The following WWOX variants were observed in gnomAD, a reference collection of about 807,000 sequenced individuals.
The protein encoded by WWOX is WW domain-containing oxidoreductase.
WWOX carries 69 observed loss-of-function variants against 46.2 expected under a neutral mutation model. That is an observed-to-expected ratio of 1.49 (90% CI 1.23 to 1.82). WWOX has a LOEUF of 1.82. Ranked by LOEUF, WWOX falls within the 40% of genes most tolerant of loss-of-function variation. The pLI, the probability that WWOX is intolerant of heterozygous loss-of-function variation, is 0.00. For synonymous variants in WWOX, 359 were observed against 202.6 expected, an observed-to-expected ratio of 1.77 and a Z score of -6.56; for missense variants, 919 against 542.6, an observed-to-expected ratio of 1.69 and a Z score of -6.89.
intron 8 of WWOX, among the ~76,000 whole-genome samples, chr16:78,579,783 A>G (rs1415699459): frequency 6.6e-6 from 1 of 152,148 alleles, no homozygotes; most frequent in African/African-American, 2.4e-5. Context: ...ATGAGGAGAT[A>G]ATATCTTTAA....
rs776674014 is a variant in WWOX at position 78,528,293 on chromosome 16, C to T, written c.1056+95541C>T. The stretch of plus-strand genomic sequence containing the variant: ...CCTCACAAAGTGCTGGGATTACAGA[C>T]ATGAGCCACCACACCCGCCCTACAT... On this transcript the variant is annotated intron_variant, in intron 8 of 8. Transcript: ENST00000566780. Among the ~76,000 whole-genome samples the T allele has an allele frequency of 7.6e-4, 114 of 149,498 alleles. 1 individual carries two copies. Among genetic ancestry groups the T allele is most frequent in the Non-Finnish European group, 1.4e-3 (94 of 67,690 alleles).
At chr16:78,559,183 C>G (rs573727563) in intron 8 of WWOX, among the ~76,000 whole-genome samples, 6 of 152,318 alleles carry the variant, frequency 3.9e-5, no homozygotes, top group South Asian at 2.1e-4. Context: ...AGATCTTACC[C>G]TGACAGTCAC....
At chr16:79,035,545 T>C (rs1331917555) in intron 8 of WWOX, among the ~76,000 whole-genome samples, 2 of 152,094 alleles carry the variant, frequency 1.3e-5, no homozygotes, top group African/African-American at 4.8e-5. Context: ...TTTATTTATT[T>C]ATTAATTTTT....
intron 8 of WWOX, among the ~76,000 whole-genome samples, chr16:78,478,273 C>T (rs1198249473): frequency 2.0e-5 from 3 of 152,082 alleles, no homozygotes; most frequent in Admixed American, 1.3e-4. Flanking sequence ...CTTTTTATAG[C>T]TCATTAATGT....
Position 79,014,453 on chromosome 16 carries a change from G to A in WWOX, c.1057-197155G>A, listed in dbSNP as rs187255415. Among the ~76,000 whole-genome samples, 573 of 152,160 alleles carry A rather than the reference G, an allele frequency of 3.8e-3. 1 individual carries two copies. The highest frequency in any genetic ancestry group is 6.0e-3 in the Non-Finnish European group (411 of 68,014). Reference sequence around the variant, plus strand: ...TTCCTGGATCGTCCCTCAATTTTCCGTGGTATGAAAAATGTAAATGTTGCT... The same window carrying A: ...TTCCTGGATCGTCCCTCAATTTTCCATGGTATGAAAAATGTAAATGTTGCT... On this transcript the variant is annotated intron_variant, in intron 8 of 8. Transcript: ENST00000566780.
chr16:79,176,065 G>C (rs1110546), intron 8 of WWOX, among the ~76,000 whole-genome samples: 73,543 of 152,078 alleles, frequency 0.48, 18,565 homozygotes, highest in East Asian at 0.88. Flanking sequence ...CATTAGAGCA[G>C]CTGTTACAGT....
At chr16:79,003,030 C>T (rs185178546) in intron 8 of WWOX, among the ~76,000 whole-genome samples, 127 of 152,320 alleles carry the variant, frequency 8.3e-4, no homozygotes, top group African/African-American at 2.9e-3. Flanking sequence ...TGCATGCCAG[C>T]CACAGGGCCT....
At chr16:79,076,148 C>G (rs987444179) in intron 8 of WWOX, among the ~76,000 whole-genome samples, 7 of 152,156 alleles carry the variant, frequency 4.6e-5, no homozygotes, top group Non-Finnish European at 7.3e-5. Context: ...ATTATTTTCT[C>G]AAAGGAATAT....
chr16:78,814,580 C>G (rs2051282406), intron 8 of WWOX, among the ~76,000 whole-genome samples: 1 of 152,102 alleles, frequency 6.6e-6, no homozygotes, highest in Non-Finnish European at 1.5e-5. Context: ...GTGTACTTTT[C>G]CAACCTATCC....
intron 8 of WWOX, among the ~76,000 whole-genome samples, chr16:78,458,879 C>T (rs1240681587): frequency 6.6e-6 from 1 of 151,966 alleles, no homozygotes; most frequent in Admixed American, 6.6e-5. Context: ...TTAGTATATT[C>T]TTATTTGGCC....
At chr16:79,106,300 G>C (rs2049306291) in intron 8 of WWOX, among the ~76,000 whole-genome samples, 1 of 152,142 alleles carries the variant, frequency 6.6e-6, no homozygotes. Flanking sequence ...TTTGACCTGA[G>C]ACCTCAAAAC....
At chr16:78,490,496 CAAG>C (rs994796035) in intron 8 of WWOX, among the ~76,000 whole-genome samples, 4 of 152,258 alleles carry the variant, frequency 2.6e-5, no homozygotes, top group East Asian at 1.9e-4. Flanking sequence ...ACGGTTTTCA[CAAG>C]GAGGTCACGA....
chr16:78,931,975 C>G (rs891755653), intron 8 of WWOX, among the ~76,000 whole-genome samples: 17 of 152,232 alleles, frequency 1.1e-4, no homozygotes, highest in African/African-American at 3.9e-4. Flanking sequence ...TGCACAAACT[C>G]TCTTGCCTGC....
chr16:78,191,194 A>T (rs2035872697), intron 5 of WWOX, among the ~76,000 whole-genome samples: 1 of 152,148 alleles, frequency 6.6e-6, no homozygotes. Context: ...CGCCAGCCAC[A>T]CACACCTTTG....
intron 8 of WWOX, among the ~76,000 whole-genome samples, chr16:79,024,011 C>G (rs562425924): frequency 6.6e-6 from 1 of 152,036 alleles, no homozygotes; most frequent in South Asian, 2.1e-4. Context: ...CAAAAGATGA[C>G]CTAACATGTG....
At position 79,009,211 on chromosome 16, in the gene WWOX, G is replaced by T. The variant is rs547938638; in HGVS notation, c.1057-202397G>T. ...TGTTTAATGAAAGCAGGAAGATGAT[G>T]TGAATGCCAGTTCACTTGAGTGTTA... On this transcript the variant is annotated intron_variant, in intron 8 of 8. Transcript: ENST00000566780. 5.3e-5 allele frequency among the ~76,000 whole-genome samples: 8 copies of T among 152,326 alleles called. No homozygotes were observed. The South Asian group carries it at 1.7e-3, about 32-fold the overall frequency.
At chr16:78,647,469 A>G (rs906332137) in intron 8 of WWOX, among the ~76,000 whole-genome samples, 1 of 152,190 alleles carries the variant, frequency 6.6e-6, no homozygotes, top group Non-Finnish European at 1.5e-5. Flanking sequence ...TCAGTACACA[A>G]TGAAATCATT....
intron 8 of WWOX, among the ~76,000 whole-genome samples, chr16:79,164,861 C>A (rs954734144): frequency 6.6e-6 from 1 of 152,068 alleles, no homozygotes; most frequent in Non-Finnish European, 1.5e-5. Flanking sequence ...CTCATAAAAC[C>A]TACAAATACA....
At chr16:79,141,845 G>A (rs1388004079) in intron 8 of WWOX, among the ~76,000 whole-genome samples, 2 of 152,090 alleles carry the variant, frequency 1.3e-5, no homozygotes, top group African/African-American at 4.8e-5. Context: ...CCATTAGGAT[G>A]ACTCTTCAGT....
Sources: allele counts gnomAD v4.1 joint callset (sites outside exome capture counted in the v4.1 genomes callset), GRCh38; gene constraint gnomAD v4.1.1; transcripts MANE v1.5; gene names NCBI Gene and HGNC (gene_info 2026-07-23, HGNC 2026-07-21).